KCNMA1: variants seen among roughly 807,000 people sequenced by gnomAD.
The protein encoded by KCNMA1 is Calcium-activated potassium channel subunit alpha-1.
KCNMA1 carries 29 observed loss-of-function variants against 140.0 expected under a neutral mutation model. The ratio of observed to expected loss-of-function variants is 0.21; its 90% CI spans 0.15 to 0.28. The LOEUF is 0.28. KCNMA1 is among the 10% of genes least tolerant of loss of function. The probability of loss-of-function intolerance (pLI) is 1.00; values close to 1 mark genes in which losing one functional copy is unlikely to be tolerated. For missense variants in KCNMA1, 880 were observed against 1,602.2 expected, an observed-to-expected ratio of 0.55 and a Z score of 7.70; for synonymous variants, 612 against 611.9, an observed-to-expected ratio of 1.00 and a Z score of 0.00.
chr10:77,533,715 G>A (rs1012400357), intron 1 of KCNMA1, among the ~76,000 whole-genome samples: 3 of 152,116 alleles, frequency 2.0e-5, no homozygotes, highest in Non-Finnish European at 2.9e-5. Flanking sequence ...TCCTAACAAA[G>A]GAGGATGAAC....
chr10:77,569,790 T>C (rs571510105), intron 1 of KCNMA1, among the ~76,000 whole-genome samples: 161 of 151,950 alleles, frequency 1.1e-3, no homozygotes, highest in African/African-American at 3.7e-3. Context: ...ACCATCAGAG[T>C]GAACAGGCAA....
chr10:77,193,883 C>T (rs1242244722), intron 3 of KCNMA1, among the ~76,000 whole-genome samples: 3 of 152,166 alleles, frequency 2.0e-5, no homozygotes, highest in African/African-American at 7.2e-5. Flanking sequence ...ATCCATACTC[C>T]TCTCACATCT....
At chr10:77,613,545 G>A (rs1033189765) in intron 1 of KCNMA1, among the ~76,000 whole-genome samples, 6 of 152,206 alleles carry the variant, frequency 3.9e-5, no homozygotes, top group Admixed American at 3.9e-4. Context: ...CAGACCGCAG[G>A]CCGGCTCACA....
chr10:77,333,306 G>T (rs181215560), intron 2 of KCNMA1, among the ~76,000 whole-genome samples: 1 of 145,720 alleles, frequency 6.9e-6, no homozygotes, highest in Non-Finnish European at 1.5e-5. Context: ...TTGAACCCAG[G>T]AGTTTGAGAC....
chr10:77,301,587 A>G (rs577936661), intron 2 of KCNMA1, among the ~76,000 whole-genome samples: 2 of 151,702 alleles, frequency 1.3e-5, no homozygotes, highest in Non-Finnish European at 2.9e-5. Flanking sequence ...TCCATCTTCT[A>G]CTTTCATAGA....
At chr10:77,288,862 C>T (rs1401557510) in intron 2 of KCNMA1, among the ~76,000 whole-genome samples, 1 of 152,192 alleles carries the variant, frequency 6.6e-6, no homozygotes, top group Non-Finnish European at 1.5e-5. Flanking sequence ...AGTTTCATAA[C>T]ATAACCTGGA....
rs530422235 is a variant in KCNMA1 at position 77,208,720 on chromosome 10, T to G, written c.603-23804A>C. On this transcript the variant is annotated intron_variant, in intron 3 of 27. Coordinates refer to ENST00000286628, the MANE Select transcript of KCNMA1 (RefSeq NM_001161352.2). ...CTTTATTCTATATTTAAAACTACAT[T>G]TTTTCCTTATTTGTGTTATTGCAGA... Among the ~76,000 whole-genome samples, 14 of 152,288 alleles carry G rather than the reference T, an allele frequency of 9.2e-5. No individual in the cohort carries two copies. The East Asian group carries it at 1.3e-3, about 15-fold the overall frequency.
intron 2 of KCNMA1, among the ~76,000 whole-genome samples, chr10:77,352,814 C>G (rs537503713): frequency 2.0e-5 from 3 of 152,312 alleles, no homozygotes; most frequent in Non-Finnish European, 4.4e-5. Flanking sequence ...TACTGTAGAA[C>G]ATCTACTAGG....
At chr10:77,240,816 G>A (rs2057081488) in intron 3 of KCNMA1, among the ~76,000 whole-genome samples, 2 of 152,100 alleles carry the variant, frequency 1.3e-5, no homozygotes, top group African/African-American at 4.8e-5. Flanking sequence ...TCCAATGTCT[G>A]CCCTTCCCTG....
At chr10:77,391,575 G>A (rs1479384866) in intron 2 of KCNMA1, among the ~76,000 whole-genome samples, 4 of 151,982 alleles carry the variant, frequency 2.6e-5, no homozygotes, top group African/African-American at 9.7e-5. Flanking sequence ...AGGGCAAATG[G>A]TGGCTTTCTG....
chr10:77,101,551 G>T (rs1480388875), intron 9 of KCNMA1, among the ~76,000 whole-genome samples: 1 of 152,106 alleles, frequency 6.6e-6, no homozygotes, highest in Non-Finnish European at 1.5e-5. Context: ...TTGATGATTT[G>T]CTAATTTATG....
intron 15 of KCNMA1, among the ~76,000 whole-genome samples, chr10:77,033,806 G>C (rs961576720): frequency 6.6e-6 from 1 of 152,040 alleles, no homozygotes; most frequent in Non-Finnish European, 1.5e-5. Flanking sequence ...GCTCATAGAA[G>C]GTCACCTCTT....
chr10:76,882,192 A>G (rs1398978837), downstream of KCNMA1, among the ~76,000 whole-genome samples: 1 of 152,150 alleles, frequency 6.6e-6, no homozygotes, highest in Non-Finnish European at 1.5e-5. Context: ...TGTCAGTGCC[A>G]TGGGATTTAG....
At chr10:77,067,968 A>G (rs1013851201) in intron 14 of KCNMA1, among the ~76,000 whole-genome samples, 1 of 152,206 alleles carries the variant, frequency 6.6e-6, no homozygotes, top group Non-Finnish European at 1.5e-5. Flanking sequence ...TAGAAAGCTA[A>G]GATTTGTGCT....
intron 15 of KCNMA1, among the ~76,000 whole-genome samples, chr10:77,033,038 AT>A (rs1459789801): frequency 6.6e-6 from 1 of 152,152 alleles, no homozygotes; most frequent in African/African-American, 2.4e-5. Flanking sequence ...AACTGTCATC[AT>A]TCCCCCTGAA....
At chr10:77,267,488 A>C (rs1422022489) in intron 2 of KCNMA1, among the ~76,000 whole-genome samples, 1 of 152,168 alleles carries the variant, frequency 6.6e-6, no homozygotes, top group Non-Finnish European at 1.5e-5. Context: ...CCTGTCTCTC[A>C]GAAACTTCTT....
intron 2 of KCNMA1, among the ~76,000 whole-genome samples, chr10:77,312,288 C>A (rs1410396675): frequency 6.6e-6 from 1 of 152,162 alleles, no homozygotes; most frequent in Non-Finnish European, 1.5e-5. Flanking sequence ...AGGAGTGTAG[C>A]ATGAGAGAAG....
intron 2 of KCNMA1, among the ~76,000 whole-genome samples, chr10:77,313,018 G>A (rs1244949356): frequency 1.3e-5 from 2 of 152,160 alleles, no homozygotes; most frequent in African/African-American, 2.4e-5. Flanking sequence ...GTTCAGGGAG[G>A]AACAACAACA....
chr10:77,518,885 A>T (rs1489044906), intron 1 of KCNMA1, among the ~76,000 whole-genome samples: 1 of 152,196 alleles, frequency 6.6e-6, no homozygotes, highest in Admixed American at 6.5e-5. Context: ...CCTGCACTGT[A>T]TGAATGCACG....
Sources: gnomAD v4.1 joint callset for allele counts (sites outside exome capture counted in the v4.1 genomes callset) on GRCh38, gnomAD v4.1.1 for gene constraint, MANE v1.5 for transcripts, NCBI Gene and HGNC (gene_info 2026-07-23, HGNC 2026-07-21) for gene names.